The following NBEA variants were observed in gnomAD, a reference collection of about 807,000 sequenced individuals.
NBEA encodes lysosomal-trafficking regulator 2.
Under a neutral mutation model 343.4 loss-of-function variants are expected in NBEA, and 44 were observed. That is an observed-to-expected ratio of 0.13 (90% confidence interval 0.10 to 0.16). The LOEUF (loss-of-function observed/expected upper bound fraction) is 0.16, where lower values mean the gene tolerates loss of function less well. NBEA is among the 10% of genes least tolerant of loss of function. The pLI is 1.00. For missense variants in NBEA, 2,555 were observed against 3,631.3 expected, an observed-to-expected ratio of 0.70 and a Z score of 7.62; for synonymous variants, 1,175 against 1,238.7, an observed-to-expected ratio of 0.95 and a Z score of 1.08.
At chr13:35,452,383 C>A (rs1041869282) in intron 40 of NBEA, 148 bp downstream of exon 40, 2 of 638,418 alleles carry the variant, frequency 3.1e-6, no homozygotes, top group South Asian at 2.1e-5. Flanking sequence ...TATCTCATTT[C>A]TAATATTGAA....
At chr13:35,459,104 AAGG>A (rs893707746) in intron 40 of NBEA, among the ~76,000 whole-genome samples, 1 of 151,266 alleles carries the variant, frequency 6.6e-6, no homozygotes, top group African/African-American at 2.4e-5. Context: ...AAAAATACAG[AAGG>A]AGGAGATCTA....
chr13:35,502,129 C>G (rs769673260), intron 41 of NBEA, among the ~76,000 whole-genome samples: 1 of 152,026 alleles, frequency 6.6e-6, no homozygotes, highest in Non-Finnish European at 1.5e-5. Flanking sequence ...TGTAAACTTA[C>G]GACTGTGAAT....
intron 40 of NBEA, among the ~76,000 whole-genome samples, chr13:35,463,698 A>G (rs2047024927): frequency 6.6e-6 from 1 of 152,186 alleles, no homozygotes; most frequent in Admixed American, 6.5e-5. Context: ...CTAATTAATG[A>G]GTATTTCCCA....
chr13:35,613,109 TTAAC>T (rs1174768031), intron 48 of NBEA, among the ~76,000 whole-genome samples: 4 of 149,592 alleles, frequency 2.7e-5, no homozygotes, highest in African/African-American at 9.8e-5. Flanking sequence ...ATATAAATAA[TTAAC>T]TACAGTCACT....
In NBEA at chr13:35,567,022, CTT is replaced by C. The variant is rs775629236; in HGVS notation, c.7035+8_7035+9del. The C allele has an allele frequency of 7.9e-6, 12 of 1,511,226 alleles. No individual in the cohort carries two copies. In the Admixed American group the frequency reaches 8.5e-5, roughly 11 times the overall value. The allele number at this position is 1,511,226 out of a possible 1,614,324, so 93.6% of individuals were successfully genotyped here. On this transcript the variant is annotated splice_donor_region_variant and intron_variant, in intron 45 of 58. Transcript: ENST00000379939. ...AACTTCAGGGATCTATCAAAGGTAACTTTTAAATATATAGAAGTCAGCTTTCT... is the reference window on the plus strand; with the variant it reads ...AACTTCAGGGATCTATCAAAGGTAACTTAAATATATAGAAGTCAGCTTTCT...
chr13:35,191,090 G>A (rs1593679854), intron 30 of NBEA, among the ~76,000 whole-genome samples: 1 of 152,100 alleles, frequency 6.6e-6, no homozygotes, highest in Non-Finnish European at 1.5e-5. Context: ...TTTATCCTAC[G>A]CTGGGGAACA....
Position 35,600,318 on chromosome 13 carries a change from C to G in NBEA, c.7297-6108C>G, listed in dbSNP as rs781629180. On this transcript the variant is annotated intron_variant, in intron 47 of 58. Transcript: ENST00000379939. ...ATGAGTGACTGATGTCCCACACGCA[C>G]GTCTCTCTGGACCTGATGAATTTTT... is the stretch of plus-strand genomic sequence containing the variant. 3.9e-5 allele frequency among the ~76,000 whole-genome samples: 6 copies of G among 152,184 alleles called. No individual in the cohort carries two copies. In the East Asian group the frequency reaches 1.2e-3, roughly 29 times the overall value.
At chr13:35,068,935 T>G (rs2063759292) in intron 8 of NBEA, among the ~76,000 whole-genome samples, 1 of 152,110 alleles carries the variant, frequency 6.6e-6, no homozygotes, top group South Asian at 2.1e-4. Flanking sequence ...CCAATTCACT[T>G]ATATGCATAT....
intron 48 of NBEA, among the ~76,000 whole-genome samples, chr13:35,617,662 C>T (rs916393141): frequency 2.0e-5 from 3 of 152,228 alleles, no homozygotes; most frequent in Non-Finnish European, 2.9e-5. Context: ...CTGCTCGTCT[C>T]TCAGTGTCTC....
intron 38 of NBEA, among the ~76,000 whole-genome samples, chr13:35,407,308 A>G (rs1381851098): frequency 6.6e-6 from 1 of 151,882 alleles, no homozygotes; most frequent in African/African-American, 2.4e-5. Context: ...TTATCCCTTA[A>G]AGACTATAAA....
chr13:35,219,821 A>T (rs73491649), intron 33 of NBEA, among the ~76,000 whole-genome samples: 2,484 of 152,234 alleles, frequency 0.016, 65 homozygotes, highest in African/African-American at 0.052. Flanking sequence ...AGGCAGAAGG[A>T]GTTTGCTCAA....
At chr13:35,388,263 A>T (rs893577848) in intron 38 of NBEA, among the ~76,000 whole-genome samples, 1 of 152,170 alleles carries the variant, frequency 6.6e-6, no homozygotes. Context: ...CATTTGGCAA[A>T]AATAGGAATT....
chr13:35,519,745 T>C (rs376924816), intron 41 of NBEA, among the ~76,000 whole-genome samples: 1 of 152,220 alleles, frequency 6.6e-6, no homozygotes, highest in Non-Finnish European at 1.5e-5. Context: ...AACTGGGATA[T>C]TACCTGAAGC....
chr13:35,108,654 T>C lies in NBEA; in HGVS notation c.1681-636T>C, dbSNP rs189954676. ...ATATTCCAGCAGCTCAATGGCCACA[T>C]AGGGCTTCTGGCTACTGTATGAGAT... On this transcript the variant is annotated intron_variant, in intron 11 of 58. Coordinates refer to ENST00000379939, the MANE Select transcript of NBEA (RefSeq NM_001385012.1). Among the ~76,000 whole-genome samples, 49 of 152,222 alleles carry C rather than the reference T, an allele frequency of 3.2e-4. No homozygotes were observed. The East Asian group carries it at 9.5e-3, about 29-fold the overall frequency.
intron 1 of NBEA, among the ~76,000 whole-genome samples, chr13:35,026,852 G>A (rs1281695679): frequency 2.6e-5 from 4 of 151,950 alleles, no homozygotes; most frequent in Admixed American, 6.6e-5. Flanking sequence ...TACCTAAAAT[G>A]CCAAGATAGA....
chr13:35,081,942 G>A (rs1004255783), intron 10 of NBEA, among the ~76,000 whole-genome samples: 1 of 151,842 alleles, frequency 6.6e-6, no homozygotes, highest in African/African-American at 2.4e-5. Context: ...TATACTTTAA[G>A]TTTTAGGGTA....
chr13:34,952,144 A>G (rs1029119540), intron 1 of NBEA, among the ~76,000 whole-genome samples: 5 of 152,228 alleles, frequency 3.3e-5, no homozygotes, highest in African/African-American at 1.2e-4. Flanking sequence ...TTCCAAAGCT[A>G]GAGTTCTTTC....
intron 31 of NBEA, among the ~76,000 whole-genome samples, chr13:35,205,852 A>C (rs1398978260): frequency 6.6e-6 from 1 of 152,062 alleles, no homozygotes; most frequent in Non-Finnish European, 1.5e-5. Context: ...CTTTTATAAC[A>C]ATCTTTATAG....
chr13:34,981,962 TC>T (rs1247171637), intron 1 of NBEA, among the ~76,000 whole-genome samples: 1 of 151,952 alleles, frequency 6.6e-6, no homozygotes, highest in South Asian at 2.1e-4. Flanking sequence ...CTTCTCTCTC[TC>T]TCTCTCTCTG....
Sources: gnomAD v4.1 joint callset for allele counts (sites outside exome capture counted in the v4.1 genomes callset) on GRCh38, gnomAD v4.1.1 for gene constraint, MANE v1.5 for transcripts, NCBI Gene and HGNC (gene_info 2026-07-23, HGNC 2026-07-21) for gene names.